Variants in TCF20 observed in about 807,000 individuals in gnomAD.
The protein encoded by TCF20 is transcription factor 20.
Under a neutral mutation model 148.6 loss-of-function variants are expected in TCF20, and 3 were observed. The observed-to-expected ratio is 0.02, with a 90% CI of 0.01 to 0.05. The LOEUF is 0.05. TCF20 is among the 10% of genes least tolerant of loss of function. The pLI, the probability that TCF20 is intolerant of heterozygous loss-of-function variation, is 1.00. For missense variants in TCF20, 2,350 were observed against 2,429.3 expected, an observed-to-expected ratio of 0.97 and a Z score of 0.69; for synonymous variants, 1,049 against 909.5, an observed-to-expected ratio of 1.15 and a Z score of -2.76.
intron 1 of TCF20, among the ~76,000 whole-genome samples, chr22:42,315,589 A>G (rs1460669998): frequency 6.6e-6 from 1 of 152,212 alleles, no homozygotes; most frequent in Non-Finnish European, 1.5e-5. Context: ...ACACTGAGTG[A>G]GACTTCCTCA....
rs1418236793 is a variant in TCF20, at chr22:42,215,179, C to G, written c.127G>C (p.Gly43Arg). 6.2e-7 allele frequency: 1 copy of G among 1,614,234 alleles called. No individual in the cohort carries two copies. Among genetic ancestry groups the G allele is most frequent in the Admixed American group, 1.7e-5 (1 of 60,022 alleles). Reference sequence around the variant, plus strand: ...CTGCTGCCACTACTGCCACCTGTACCTCCAAAATTCTGGAACATCTGGGCC... The same window carrying G: ...CTGCTGCCACTACTGCCACCTGTACGTCCAAAATTCTGGAACATCTGGGCC... ...RQAQMFQNFG[G>R]TGGSSGSSGS... Residue 43 changes from glycine to arginine, a missense_variant, in exon 2 of 6, where the codon GGT becomes CGT. By Grantham distance (125) the Gly-to-Arg change is moderately radical. Transcript: ENST00000677622.
chr22:42,256,617 T>C (rs1007222672), intron 1 of TCF20, among the ~76,000 whole-genome samples: 1 of 152,190 alleles, frequency 6.6e-6, no homozygotes, highest in Non-Finnish European at 1.5e-5. Context: ...GAAAATCCTA[T>C]TCCTGCTATA....
intron 1 of TCF20, among the ~76,000 whole-genome samples, chr22:42,337,118 C>G (rs373345098): frequency 3.8e-4 from 58 of 152,148 alleles, no homozygotes; most frequent in African/African-American, 1.4e-3. Flanking sequence ...CAGATCTGAC[C>G]ACATCAGGGG....
chr22:42,254,924 C>A (rs1483856689), intron 1 of TCF20, among the ~76,000 whole-genome samples: 1 of 135,586 alleles, frequency 7.4e-6, no homozygotes, highest in Admixed American at 7.9e-5. Context: ...GGCACCACTG[C>A]ACTCCAGCCT....
At chr22:42,321,274 C>T (rs1312116059) in intron 1 of TCF20, among the ~76,000 whole-genome samples, 1 of 152,220 alleles carries the variant, frequency 6.6e-6, no homozygotes, top group East Asian at 1.9e-4. Context: ...GGCCATGTGG[C>T]TCACTGGACA....
At chr22:42,306,519 G>A (rs1264687613) in intron 1 of TCF20, among the ~76,000 whole-genome samples, 1 of 152,244 alleles carries the variant, frequency 6.6e-6, no homozygotes, top group Non-Finnish European at 1.5e-5. Context: ...GGCAGGCAGT[G>A]GGCCTCCACT....
chr22:42,323,645 A>G (rs1001142008), intron 1 of TCF20, among the ~76,000 whole-genome samples: 1 of 151,852 alleles, frequency 6.6e-6, no homozygotes, highest in Non-Finnish European at 1.5e-5. Flanking sequence ...AGCGGGAAGC[A>G]GGCTTGGAGA....
In TCF20 at chr22:42,279,589, C is replaced by T. The variant is rs1926855864; in HGVS notation, c.-37+4238G>A. 1.3e-5 allele frequency among the ~76,000 whole-genome samples: 2 copies of T among 152,216 alleles called. No individual in the cohort carries two copies. Among genetic ancestry groups the T allele is most frequent in the South Asian group, 2.1e-4 (1 of 4,830 alleles). On this transcript the variant is annotated intron_variant, in intron 1 of 5. Transcript: ENST00000359486. This position sits in a 1 kb window ranked among gnomAD's most constrained non-coding sequence, Gnocchi z 4.3. The stretch of plus-strand genomic sequence containing the variant: ...AGAACAGGGACATTAACATCACCCC[C>T]GAGTGAGGGCTGCAGGCACACAGTG...
chr22:42,213,253 G>A lies in TCF20; in HGVS notation c.2053C>T (p.His685Tyr). Residue 685 changes from histidine to tyrosine, a missense_variant, in exon 2 of 6, where the codon CAC (histidine) becomes TAC (tyrosine). Transcript: ENST00000677622. ...HNGEGNGQSG[H>Y]SAAGPGFTSR... ...GTAAAACCAGGGCCCGCTGCAGAGT[G>A]GCCACTCTGGCCATTTCCTTCTCCA... is the stretch of plus-strand genomic sequence containing the variant. The A allele has an allele frequency of 6.2e-7, 1 of 1,614,136 alleles. No homozygotes were observed. The highest frequency in any genetic ancestry group is 8.5e-7 in the Non-Finnish European group (1 of 1,180,018).
intron 1 of TCF20, among the ~76,000 whole-genome samples, chr22:42,217,182 C>G (rs1921895232): frequency 6.6e-6 from 1 of 152,156 alleles, no homozygotes; most frequent in Admixed American, 6.5e-5. Flanking sequence ...CTGCTCCCAC[C>G]CCCTTGACCT....
Position 42,277,538 on chromosome 22 carries a change from C to T in TCF20, c.-37+6289G>A, listed in dbSNP as rs372884390. Among the ~76,000 whole-genome samples the T allele has an allele frequency of 4.1e-4, 62 of 152,202 alleles. 2 individuals are homozygous for T. The East Asian group carries it at 5.2e-3, about 13-fold the overall frequency. On this transcript the variant is annotated intron_variant, in intron 1 of 5. Transcript: ENST00000359486. Reference sequence around the variant, plus strand: ...GGAGGAGAGCTCCAGGCAGAGGGCACGGCATGGGCAAAGGCCCTGCGGTAG... The same window carrying T: ...GGAGGAGAGCTCCAGGCAGAGGGCATGGCATGGGCAAAGGCCCTGCGGTAG...
intron 1 of TCF20, among the ~76,000 whole-genome samples, chr22:42,326,059 C>T (rs1184583564): frequency 2.0e-5 from 3 of 152,072 alleles, no homozygotes; most frequent in Non-Finnish European, 4.4e-5. Flanking sequence ...TCTCTGGCTG[C>T]CAGGGGTGCC....
rs182045653 is a variant in TCF20 at position 42,253,600 on chromosome 22, G to T, written c.-37+16739C>A. Among the ~76,000 whole-genome samples the T allele has an allele frequency of 7.9e-5, 12 of 152,232 alleles. No individual in the cohort carries two copies. The East Asian group carries it at 2.3e-3, about 29-fold the overall frequency. Reference sequence around the variant, plus strand: ...AACAAAAGTTTTATTTATATAAAAAGATTTATGCTGGAATGTTAAAATCTA... The same window carrying T: ...AACAAAAGTTTTATTTATATAAAAATATTTATGCTGGAATGTTAAAATCTA... On this transcript the variant is annotated intron_variant, in intron 1 of 5. Coordinates refer to ENST00000677622, the MANE Select transcript of TCF20 (RefSeq NM_001378418.1).
intron 1 of TCF20, among the ~76,000 whole-genome samples, chr22:42,313,860 A>G (rs900400381): frequency 6.6e-6 from 1 of 152,110 alleles, no homozygotes; most frequent in East Asian, 1.9e-4. Flanking sequence ...TCGGCCTCCC[A>G]AAGTGCTGAG....
At chr22:42,281,135 T>G (rs1261218090) in intron 1 of TCF20, among the ~76,000 whole-genome samples, 1 of 152,106 alleles carries the variant, frequency 6.6e-6, no homozygotes, top group Non-Finnish European at 1.5e-5. Context: ...GCATCCAAAC[T>G]GCTTCCCGCC....
chr22:42,277,629 A>C (rs903736236), intron 1 of TCF20, among the ~76,000 whole-genome samples: 2 of 152,234 alleles, frequency 1.3e-5, no homozygotes, highest in Non-Finnish European at 2.9e-5. Flanking sequence ...GAAATGAGAA[A>C]GCTGGAGATG....
intron 1 of TCF20, among the ~76,000 whole-genome samples, chr22:42,294,714 G>A (rs756020070): frequency 8.5e-5 from 13 of 152,234 alleles, no homozygotes; most frequent in Admixed American, 3.9e-4. Flanking sequence ...CAAAGTAGAC[G>A]CTGATGTCCC....
At chr22:42,215,632 C>T (rs1045323417) in intron 1 of TCF20, among the ~76,000 whole-genome samples, 2 of 151,856 alleles carry the variant, frequency 1.3e-5, no homozygotes, top group African/African-American at 2.4e-5. Flanking sequence ...CCACCAGGCT[C>T]GGCTAATTTT....
Position 42,270,605 on chromosome 22 carries a change from C to A in TCF20, c.-303G>T, listed in dbSNP as rs1357562599. ...GCCGCCTCGCAGGGGCCGAAAGCGG[C>A]TGGGCTCGGGGTTTTTTCTCTCCAT... On this transcript the variant is annotated 5_prime_UTR_variant, in exon 1 of 6. Transcript: ENST00000677622. Among the ~76,000 whole-genome samples, 2 of 145,340 alleles carry A rather than the reference C, an allele frequency of 1.4e-5. No individual in the cohort carries two copies. The highest frequency in any genetic ancestry group is 2.5e-5 in the African/African-American group (1 of 40,560).
Sources: gnomAD v4.1 joint callset for allele counts (sites outside exome capture counted in the v4.1 genomes callset) on GRCh38, gnomAD v4.1.1 for gene constraint, Gnocchi (gnomAD v3.1) non-coding constraint, MANE v1.5 for transcripts, NCBI Gene and HGNC (gene_info 2026-07-23, HGNC 2026-07-21) for gene names.